The following RPS6KA2 variants were observed in gnomAD, a reference collection of about 807,000 sequenced individuals.
RPS6KA2 encodes the protein ribosomal protein S6 kinase A2, also known as ribosomal protein S6 kinase alpha-2.
In RPS6KA2, 42 loss-of-function variants were observed where a neutral mutation model predicts 91.8. That is an observed-to-expected ratio of 0.46 (90% CI 0.36 to 0.59). The LOEUF is 0.59. RPS6KA2 is among the 20% of genes least tolerant of loss of function. The pLI is 0.00. For missense variants in RPS6KA2, 798 were observed against 978.5 expected (o/e 0.82, Z 2.46); for synonymous variants, 414 against 393.6 (o/e 1.05, Z -0.61).
intron 1 of RPS6KA2, among the ~76,000 whole-genome samples, chr6:166,591,157 T>C (rs1020590331): frequency 6.6e-6 from 1 of 152,176 alleles, no homozygotes; most frequent in African/African-American, 2.4e-5. Flanking sequence ...GCACTCTTCA[T>C]AGATGCAGGT....
At position 166,732,109 on chromosome 6, in the gene RPS6KA2, T is replaced by C. The variant is rs186160641; in HGVS notation, c.123+126091A>G. ...ACCTTTTCCAGAGACCTTAATTCCT[T>C]TTTCTTTTCCTTTTTGTTTTACCAA... is the stretch of plus-strand genomic sequence containing the variant. On this transcript the variant is annotated intron_variant, in intron 2 of 21. Transcript: ENST00000503859. The surrounding 1 kb of genome is among the most constrained non-coding windows in gnomAD (Gnocchi z 4.0). Among the ~76,000 whole-genome samples the C allele has an allele frequency of 6.6e-6, 1 of 151,634 alleles. No individual in the cohort carries two copies.
At chr6:166,716,007 C>T (rs1789999266) in intron 2 of RPS6KA2, among the ~76,000 whole-genome samples, 1 of 119,160 alleles carries the variant, frequency 8.4e-6, no homozygotes, top group African/African-American at 3.3e-5. Context: ...CACTGCACTA[C>T]AGCCTGGCTG....
At chr6:166,664,611 A>G (rs1166886935) in intron 2 of RPS6KA2, among the ~76,000 whole-genome samples, 1 of 152,258 alleles carries the variant, frequency 6.6e-6, no homozygotes, top group Non-Finnish European at 1.5e-5. Context: ...GAGATTGCAA[A>G]GCTCAACTTA....
chr6:166,773,975 G>A (rs952161357), intron 2 of RPS6KA2, among the ~76,000 whole-genome samples: 1 of 152,166 alleles, frequency 6.6e-6, no homozygotes, highest in Non-Finnish European at 1.5e-5. Flanking sequence ...TCATTGATTT[G>A]AAATAAACTA....
rs867674910 is a variant in RPS6KA2, at chr6:166,596,246, T to C, written c.99+30675A>G. 7.9e-5 allele frequency among the ~76,000 whole-genome samples: 12 copies of C among 152,304 alleles called. No individual in the cohort carries two copies. In the Middle Eastern group the frequency reaches 0.017, roughly 216 times the overall value. On this transcript the variant is annotated intron_variant, in intron 1 of 20. Transcript: ENST00000265678. ...TGAGTTTATGGTCAATAATACTCTGTGTGATGATTAATACTGACTGTCAAC... is the reference window on the plus strand; with the variant it reads ...TGAGTTTATGGTCAATAATACTCTGCGTGATGATTAATACTGACTGTCAAC...
chr6:166,850,982 T>C (rs888277602), intron 2 of RPS6KA2, among the ~76,000 whole-genome samples: 1 of 152,222 alleles, frequency 6.6e-6, no homozygotes, highest in African/African-American at 2.4e-5. Context: ...AATCAAGGGT[T>C]CTAGGAGGAG....
chr6:166,598,274 T>C (rs1785610719), intron 1 of RPS6KA2, among the ~76,000 whole-genome samples: 1 of 152,202 alleles, frequency 6.6e-6, no homozygotes. Context: ...TTCAGGATAA[T>C]GCCTTGTTCT....
rs2049957 is a variant in RPS6KA2, at chr6:166,437,832, G to A, written c.1333-5342C>T. On this transcript the variant is annotated intron_variant, in intron 14 of 20. Transcript: ENST00000265678. The surrounding 1 kb of genome is among the most constrained non-coding windows in gnomAD (Gnocchi z 4.3). ...GATAACACCTTTCCTCCTGCTGGCC[G>A]AAGGCGGCAACAGGAGACTTCACCG... is the stretch of plus-strand genomic sequence containing the variant. Among the ~76,000 whole-genome samples, 78,157 of 152,002 alleles carry A rather than the reference G, an allele frequency of 0.51. 20,164 individuals carry two copies. The highest frequency in any genetic ancestry group is 0.56 in the Middle Eastern group (165 of 294).
chr6:166,576,312 G>A (rs1171786234), intron 1 of RPS6KA2, among the ~76,000 whole-genome samples: 1 of 152,228 alleles, frequency 6.6e-6, no homozygotes, highest in East Asian at 1.9e-4. Context: ...CGAAAATGTG[G>A]AAGTGACTTT....
chr6:166,709,948 T>G (rs1299472028), intron 2 of RPS6KA2, among the ~76,000 whole-genome samples: 1 of 152,240 alleles, frequency 6.6e-6, no homozygotes, highest in African/African-American at 2.4e-5. Context: ...TCTTTAAAAC[T>G]GTAAGAGGGT....
intron 11 of RPS6KA2, among the ~76,000 whole-genome samples, chr6:166,466,478 C>A (rs1780527470): frequency 6.6e-6 from 1 of 152,224 alleles, no homozygotes; most frequent in African/African-American, 2.4e-5. Flanking sequence ...CACTGTGTCA[C>A]CTGGGGGTTC....
chr6:166,558,180 G>A (rs1368830631), intron 1 of RPS6KA2, among the ~76,000 whole-genome samples: 2 of 151,760 alleles, frequency 1.3e-5, no homozygotes, highest in Non-Finnish European at 2.9e-5. Context: ...GAATGAATCA[G>A]CCCCCACACA....
intron 2 of RPS6KA2, among the ~76,000 whole-genome samples, chr6:166,794,382 T>C (rs943708430): frequency 2.6e-5 from 4 of 152,108 alleles, no homozygotes; most frequent in South Asian, 2.1e-4. Context: ...TGTGGAGAAA[T>C]AGGAACACTT....
intron 2 of RPS6KA2, among the ~76,000 whole-genome samples, chr6:166,854,197 G>T (rs535578962): frequency 6.6e-6 from 1 of 152,146 alleles, no homozygotes; most frequent in Admixed American, 6.5e-5. Flanking sequence ...CAGCAATGGT[G>T]AATAAAGGTG....
intron 2 of RPS6KA2, among the ~76,000 whole-genome samples, chr6:166,670,062 A>G (rs1788427940): frequency 6.6e-6 from 1 of 152,260 alleles, no homozygotes; most frequent in African/African-American, 2.4e-5. Context: ...CCTTGCAGGC[A>G]TGAGCCTCAC....
chr6:166,821,533 T>G lies in RPS6KA2; in HGVS notation c.123+36667A>C, dbSNP rs1426539246. ...TCCTTAGCCTGGCACGGGTCTGCCC[T>G]GTCCATGTGCATCCTCCGTGTGGGT... On this transcript the variant is annotated intron_variant, in intron 2 of 21. Coordinates refer to the RPS6KA2 transcript ENST00000503859. The surrounding 1 kb of genome is among the most constrained non-coding windows in gnomAD (Gnocchi z 4.1). Among the ~76,000 whole-genome samples the G allele has an allele frequency of 3.3e-5, 5 of 152,174 alleles. No individual in the cohort carries two copies. Among genetic ancestry groups the G allele is most frequent in the Non-Finnish European group, 7.4e-5 (5 of 68,022 alleles).
chr6:166,514,448 GA>G (rs3839532), intron 3 of RPS6KA2, among the ~76,000 whole-genome samples: 2 of 152,170 alleles, frequency 1.3e-5, no homozygotes, highest in East Asian at 3.9e-4. Flanking sequence ...CCTTACAGGG[GA>G]CCCGGGAGCC....
intron 2 of RPS6KA2, among the ~76,000 whole-genome samples, chr6:166,745,549 C>T (rs868265801): frequency 2.0e-5 from 3 of 152,210 alleles, no homozygotes; most frequent in Admixed American, 6.5e-5. Flanking sequence ...CCCTCCCTCC[C>T]AATACAGTCC....
chr6:166,845,401 A>C (rs1483556039), intron 2 of RPS6KA2, among the ~76,000 whole-genome samples: 2 of 152,206 alleles, frequency 1.3e-5, no homozygotes, highest in Non-Finnish European at 2.9e-5. Context: ...CAACAACTGC[A>C]GAATATACAC....
Sources: allele counts gnomAD v4.1 joint callset (sites outside exome capture counted in the v4.1 genomes callset), GRCh38; gene constraint gnomAD v4.1.1; non-coding constraint Gnocchi (gnomAD v3.1); transcripts MANE v1.5; gene names NCBI Gene and HGNC (gene_info 2026-07-23, HGNC 2026-07-21).